SMG6: variants seen among roughly 807,000 people sequenced by gnomAD.
SMG6 encodes the protein SMG6 nonsense mediated mRNA decay factor, also known as telomerase-binding protein EST1A.
SMG6 carries 66 observed loss-of-function variants against 142.2 expected under a neutral mutation model. That is an observed-to-expected ratio of 0.46 (90% CI 0.38 to 0.57). The LOEUF (loss-of-function observed/expected upper bound fraction) is 0.57. Ranked by LOEUF, SMG6 falls within the 20% of genes least tolerant of loss-of-function variation. SMG6 has a pLI of 0.00. For missense variants in SMG6, 1,793 were observed against 1,832.0 expected, an observed-to-expected ratio of 0.98 and a Z score of 0.39; for synonymous variants, 779 against 702.4, an observed-to-expected ratio of 1.11 and a Z score of -1.72.
chr17:2,115,584 C>G (rs1010886246), intron 13 of SMG6, among the ~76,000 whole-genome samples: 1 of 152,156 alleles, frequency 6.6e-6, no homozygotes, highest in Non-Finnish European at 1.5e-5. Flanking sequence ...CATTGCAGTT[C>G]AGTGGGGAAA....
chr17:2,165,017 T>C (rs574444725), intron 13 of SMG6, among the ~76,000 whole-genome samples: 34 of 152,260 alleles, frequency 2.2e-4, no homozygotes, highest in African/African-American at 3.6e-4. Context: ...GTTTTAGAGA[T>C]TGAAGACATA....
At chr17:2,293,816 A>T (rs753985511) in intron 4 of SMG6, among the ~76,000 whole-genome samples, 7 of 152,224 alleles carry the variant, frequency 4.6e-5, no homozygotes, top group Non-Finnish European at 1.0e-4. Flanking sequence ...AACTGTTAAC[A>T]TCACTGAATT....
intron 12 of SMG6, 59 bp downstream of exon 12, chr17:2,186,604 T>G: frequency 6.3e-7 from 1 of 1,584,100 alleles, no homozygotes; most frequent in Non-Finnish European, 8.6e-7. Context: ...AGAGGGGAGC[T>G]GTAGGAACAC....
rs369690497 is a variant in SMG6 at position 2,184,612 on chromosome 17, G to A, written c.3155+2051C>T. On this transcript the variant is annotated intron_variant, in intron 12 of 18. Coordinates refer to ENST00000263073, the MANE Select transcript of SMG6 (RefSeq NM_017575.5). The stretch of plus-strand genomic sequence containing the variant: ...GCTGAGGATGCAGTGAGCTGAGGTC[G>A]CGCCATTATACTCCAGCCCAGGCAA... 4.2e-5 allele frequency among the ~76,000 whole-genome samples: 6 copies of A among 142,644 alleles called. No individual in the cohort carries two copies. In the East Asian group the frequency reaches 6.2e-4, roughly 15 times the overall value. The allele number at this position is 142,644 out of a possible 152,430, so 93.6% of individuals were successfully genotyped here.
At chr17:2,172,884 A>C (rs1358466149) in intron 12 of SMG6, 25 bp from the exon 13 acceptor site, 2 of 1,609,790 alleles carry the variant, frequency 1.2e-6, no homozygotes, top group African/African-American at 2.7e-5. Context: ...GTAAGAAAAG[A>C]GCAGCTCTAA....
intron 9 of SMG6, among the ~76,000 whole-genome samples, chr17:2,237,917 C>T (rs914876353): frequency 1.3e-5 from 2 of 152,182 alleles, no homozygotes; most frequent in African/African-American, 4.8e-5. Context: ...CCCCAGCCCC[C>T]AAATAAACAA....
chr17:2,063,798 A>AG (rs933370556), intron 18 of SMG6, among the ~76,000 whole-genome samples: 1 of 152,100 alleles, frequency 6.6e-6, no homozygotes, highest in African/African-American at 2.4e-5. Context: ...GAGAGTGTGA[A>AG]GGGAGGCAAG....
intron 10 of SMG6, among the ~76,000 whole-genome samples, chr17:2,223,430 C>A (rs1267924631): frequency 6.6e-6 from 1 of 152,164 alleles, no homozygotes; most frequent in East Asian, 1.9e-4. Context: ...TAAATGCATT[C>A]CTAAATAGAC....
At chr17:2,165,254 A>G (rs1225149808) in intron 13 of SMG6, among the ~76,000 whole-genome samples, 2 of 151,610 alleles carry the variant, frequency 1.3e-5, no homozygotes, top group Non-Finnish European at 2.9e-5. Flanking sequence ...GTGACAGGAC[A>G]CTGCAGTATC....
chr17:2,158,903 A>T (rs1273711066), intron 13 of SMG6, among the ~76,000 whole-genome samples: 2 of 151,064 alleles, frequency 1.3e-5, no homozygotes, highest in Non-Finnish European at 3.0e-5. Flanking sequence ...CTATGTTTAA[A>T]AAAAAAAAAA....
intron 15 of SMG6, among the ~76,000 whole-genome samples, chr17:2,081,072 G>A (rs2068409839): frequency 6.6e-6 from 1 of 152,184 alleles, no homozygotes; most frequent in African/African-American, 2.4e-5. Context: ...CTATGCCAAA[G>A]GACAGGGTTG....
chr17:2,214,315 AC>A (rs2072949144), intron 10 of SMG6: 1 of 152,080 alleles, frequency 6.6e-6, no homozygotes, highest in Admixed American at 6.5e-5. Flanking sequence ...GGAGAGTCTG[AC>A]CAGCAAAGAA....
At chr17:2,122,750 T>G (rs1476596138) in intron 13 of SMG6, among the ~76,000 whole-genome samples, 1 of 152,190 alleles carries the variant, frequency 6.6e-6, no homozygotes, top group Non-Finnish European at 1.5e-5. Flanking sequence ...TACTAGAGGA[T>G]CTCACCAGTG....
Position 2,065,473 on chromosome 17 carries a change from G to C in SMG6, c.4042C>G (p.Gln1348Glu). The change falls in exon 17 of 19, where the codon CAG becomes GAG. Residue 1348 changes from glutamine (Q) to glutamate (E), a missense_variant. Transcript: ENST00000263073. ...IAFRSEDITG[Q>E]LGNNDDLILS... ...TTCCTGCCACAGGGTCTCACCAGCTGGCCAGTGATGTCCTCACTGCGGAAG... is the reference window on the plus strand; with the variant it reads ...TTCCTGCCACAGGGTCTCACCAGCTCGCCAGTGATGTCCTCACTGCGGAAG... 1 of 1,611,770 alleles carries C rather than the reference G, an allele frequency of 6.2e-7. No homozygotes were observed. Among genetic ancestry groups the C allele is most frequent in the Admixed American group, 1.7e-5 (1 of 60,002 alleles).
chr17:2,249,245 T>C (rs1474745582), intron 8 of SMG6, among the ~76,000 whole-genome samples: 1 of 151,930 alleles, frequency 6.6e-6, no homozygotes, highest in African/African-American at 2.4e-5. Flanking sequence ...GCTTCCTTCT[T>C]CCTTCCTAAC....
At chr17:2,248,888 G>T (rs571075870) in intron 8 of SMG6, among the ~76,000 whole-genome samples, 2 of 140,726 alleles carry the variant, frequency 1.4e-5, no homozygotes, top group South Asian at 2.2e-4. Context: ...ATACTTTGGA[G>T]AACTTTTTTT....
At chr17:2,206,922 AAAAC>A (rs2072699483) in intron 10 of SMG6, among the ~76,000 whole-genome samples, 1 of 151,722 alleles carries the variant, frequency 6.6e-6, no homozygotes, top group South Asian at 2.1e-4. Context: ...TGATAATAAT[AAAAC>A]AAATAAAGAT....
rs1055042253 is a variant in SMG6, at chr17:2,085,125, TGCGCACACACACACACAGAC to T, written c.3534+580_3534+599del. On this transcript the variant is annotated intron_variant, in intron 14 of 18. Transcript: ENST00000263073. The surrounding 1 kb of genome is among the most constrained non-coding windows in gnomAD (Gnocchi z 4.1). ...ACAGGCTCATGCATGTGCATGCGCG[TGCGCACACACACACACAGAC>T]GCGCACACACACACACAGACACACA... 1.1e-4 allele frequency among the ~76,000 whole-genome samples: 16 copies of T among 151,898 alleles called. No homozygotes were observed. In the South Asian group the frequency reaches 1.9e-3, roughly 18 times the overall value.
chr17:2,127,138 CAAAAAA>C (rs941523968), intron 13 of SMG6, among the ~76,000 whole-genome samples: 2 of 51,276 alleles, frequency 3.9e-5, no homozygotes, highest in African/African-American at 1.4e-4. Flanking sequence ...GACCTTGTCT[CAAAAAA>C]AAAAAAAAAA....
Sources: gnomAD v4.1 joint callset for allele counts (sites outside exome capture counted in the v4.1 genomes callset) on GRCh38, gnomAD v4.1.1 for gene constraint, Gnocchi (gnomAD v3.1) non-coding constraint, MANE v1.5 for transcripts, NCBI Gene and HGNC (gene_info 2026-07-23, HGNC 2026-07-21) for gene names.